The following RNF6 variants were observed in gnomAD, a reference collection of about 807,000 sequenced individuals.
The protein encoded by RNF6 is E3 ubiquitin-protein ligase RNF6.
In RNF6, 21 loss-of-function variants were observed where a neutral mutation model predicts 50.1. The observed-to-expected ratio is 0.42, with a 90% CI of 0.30 to 0.60. The LOEUF (loss-of-function observed/expected upper bound fraction) is 0.60. RNF6 is among the 20% of genes least tolerant of loss of function. RNF6 has a pLI of 0.20. For missense variants in RNF6, 698 were observed against 838.2 expected (o/e 0.83, Z 2.07); for synonymous variants, 255 against 291.8 (o/e 0.87, Z 1.29).
chr13:26,214,813 G>T lies in RNF6; in HGVS notation c.1069C>A (p.Arg357=), dbSNP rs1190679862. The part of the protein sequence containing the change: ...TRVFLEQDRE[R]ERRGTAYTPF... ...GTATATGCAGTACCTCTGCGTTCTC[G>T]TTCTCTATCTTGCTCTAAAAAGACT... is the stretch of plus-strand genomic sequence containing the variant. Residue 357 remains arginine (R), a synonymous_variant, in exon 5 of 5, where the codon CGA becomes AGA. Transcript: ENST00000381588. 1 of 1,614,134 alleles carries T rather than the reference G, an allele frequency of 6.2e-7. No individual in the cohort carries two copies. The highest frequency in any genetic ancestry group is 2.2e-5 in the East Asian group (1 of 44,870).
In RNF6 at chr13:26,141,697, G is replaced by T. The variant is rs189519575; in HGVS notation, n.769-9246C>A. ...AACCATATGCAGAAGAATAAAATTG[G>T]ACTCCTACCTCTCACCATATACAAA... On this transcript the variant is annotated intron_variant and non_coding_transcript_variant, in intron 5 of 5. Coordinates refer to the RNF6 transcript ENST00000468480. 1.5e-3 allele frequency among the ~76,000 whole-genome samples: 225 copies of T among 152,152 alleles called. 1 individual carries two copies. Among genetic ancestry groups the T allele is most frequent in the African/African-American group, 4.7e-3 (194 of 41,528 alleles).
chr13:26,189,730 T>TA (rs11404502), intron 5 of RNF6, among the ~76,000 whole-genome samples: 73,679 of 151,954 alleles, frequency 0.48, 21,060 homozygotes, highest in East Asian at 0.7. Context: ...TCCTTGGAGA[T>TA]AGAGATTTCA....
intron 5 of RNF6, among the ~76,000 whole-genome samples, chr13:26,169,909 A>G (rs1872615318): frequency 6.6e-6 from 1 of 152,212 alleles, no homozygotes; most frequent in Non-Finnish European, 1.5e-5. Flanking sequence ...ACTCTCTCCT[A>G]TTATAATAGT....
intron 5 of RNF6, among the ~76,000 whole-genome samples, chr13:26,183,310 C>T (rs1001631323): frequency 8.5e-5 from 13 of 152,126 alleles, no homozygotes; most frequent in Admixed American, 1.3e-4. Context: ...GAGTATTGAC[C>T]ATGACATTAC....
chr13:26,138,528 G>A (rs549191100), intron 5 of RNF6, among the ~76,000 whole-genome samples: 3 of 151,914 alleles, frequency 2.0e-5, no homozygotes, highest in Non-Finnish European at 4.4e-5. Context: ...AATGCATAAA[G>A]CAATAATTAT....
intron 5 of RNF6, among the ~76,000 whole-genome samples, chr13:26,163,301 GACTCCGTCTCAAAAAAAAAAAAAT>G (rs1872304068): frequency 6.7e-6 from 1 of 149,956 alleles, no homozygotes; most frequent in Non-Finnish European, 1.5e-5. Context: ...GACAGAGAGA[GACTCCGTCTCAAAAAAAAAAAAAT>G]ACCAACTTGT....
At chr13:26,155,287 A>C (rs965055066) in intron 5 of RNF6, among the ~76,000 whole-genome samples, 1 of 152,078 alleles carries the variant, frequency 6.6e-6, no homozygotes, top group Non-Finnish European at 1.5e-5. Context: ...ACAACAAACA[A>C]ATCCTAAATC....
chr13:26,140,987 C>T (rs1870912330), intron 5 of RNF6, among the ~76,000 whole-genome samples: 1 of 152,076 alleles, frequency 6.6e-6, no homozygotes, highest in African/African-American at 2.4e-5. Context: ...TTGACACAAA[C>T]AAATGGGAAA....
chr13:26,155,813 G>A lies in RNF6; in HGVS notation n.769-23362C>T, dbSNP rs763049242. 1.3e-3 allele frequency among the ~76,000 whole-genome samples: 197 copies of A among 152,308 alleles called. 5 individuals are homozygous for A. Among genetic ancestry groups the A allele is most frequent in the Non-Finnish European group, 1.0e-3 (71 of 68,026 alleles). ...GTATGGAAAAGCCAGCTGCCCAGCC[G>A]TAGGCACCTTGAAGAGTGGGCTTTG... On this transcript the variant is annotated intron_variant and non_coding_transcript_variant, in intron 5 of 5. Transcript: ENST00000468480.
chr13:26,197,864 G>A (rs958728442), intron 5 of RNF6, among the ~76,000 whole-genome samples: 4 of 151,750 alleles, frequency 2.6e-5, no homozygotes, highest in African/African-American at 7.3e-5. Context: ...TCTGTTCTCT[G>A]ATCATATGGG....
intron 5 of RNF6, among the ~76,000 whole-genome samples, chr13:26,144,142 A>G (rs1348586738): frequency 6.6e-6 from 1 of 152,046 alleles, no homozygotes; most frequent in Admixed American, 6.6e-5. Flanking sequence ...GTGACGGCCA[A>G]TGTTCCACTC....
intron 5 of RNF6, among the ~76,000 whole-genome samples, chr13:26,194,172 T>C (rs1251844524): frequency 1.3e-5 from 2 of 152,230 alleles, no homozygotes; most frequent in Non-Finnish European, 2.9e-5. Context: ...GGTATTTTTC[T>C]CAAGCCATAT....
At chr13:26,183,150 T>C (rs909032287) in intron 5 of RNF6, among the ~76,000 whole-genome samples, 3 of 152,242 alleles carry the variant, frequency 2.0e-5, no homozygotes, top group Non-Finnish European at 2.9e-5. Context: ...TGCTGTTCTA[T>C]AGAAATCTGT....
chr13:26,199,818 T>C (rs1868826449), intron 5 of RNF6, among the ~76,000 whole-genome samples: 1 of 152,202 alleles, frequency 6.6e-6, no homozygotes, highest in Admixed American at 6.5e-5. Flanking sequence ...ATGGGTTAAA[T>C]GTTTGTGTGT....
chr13:26,174,579 C>A (rs1409575660), intron 5 of RNF6, among the ~76,000 whole-genome samples: 2 of 152,030 alleles, frequency 1.3e-5, no homozygotes, highest in African/African-American at 4.8e-5. Context: ...AGGAGAATCA[C>A]TTGAATCCGG....
chr13:26,188,864 G>A (rs1471373975), intron 5 of RNF6, among the ~76,000 whole-genome samples: 3 of 151,706 alleles, frequency 2.0e-5, no homozygotes, highest in East Asian at 1.9e-4. Context: ...TCTTGACCTC[G>A]TGATCTGCCC....
intron 5 of RNF6, among the ~76,000 whole-genome samples, chr13:26,181,319 C>T (rs927624838): frequency 6.6e-5 from 10 of 152,320 alleles, no homozygotes; most frequent in Admixed American, 6.5e-4. Flanking sequence ...TGGTTGGGAA[C>T]ACCAAGATTG....
intron 5 of RNF6, among the ~76,000 whole-genome samples, chr13:26,151,862 C>G (rs983470053): frequency 2.0e-5 from 3 of 152,158 alleles, no homozygotes; most frequent in Non-Finnish European, 4.4e-5. Flanking sequence ...TCTTGTATGT[C>G]TCCCTCTTCT....
At chr13:26,194,313 A>T (rs1868575507) in intron 5 of RNF6, among the ~76,000 whole-genome samples, 2 of 152,202 alleles carry the variant, frequency 1.3e-5, no homozygotes, top group Non-Finnish European at 2.9e-5. Context: ...AGAAAGATTA[A>T]CAAATACAAG....
Sources: gnomAD v4.1 joint callset for allele counts (sites outside exome capture counted in the v4.1 genomes callset) on GRCh38, gnomAD v4.1.1 for gene constraint, MANE v1.5 for transcripts, NCBI Gene and HGNC (gene_info 2026-07-23, HGNC 2026-07-21) for gene names.